The following CDS2 variants were observed in gnomAD, a reference collection of about 807,000 sequenced individuals.
CDS2 encodes CDP-diacylglycerol synthase 2.
CDS2 carries 47 observed loss-of-function variants against 59.0 expected under a neutral mutation model. The observed-to-expected ratio is 0.80, with a 90% confidence interval of 0.63 to 1.02. The LOEUF is 1.02. Ranked by LOEUF, CDS2 falls within the 50% of genes least tolerant of loss-of-function variation. The probability of loss-of-function intolerance (pLI) is 0.00; values close to 1 mark genes in which losing one functional copy is unlikely to be tolerated. For synonymous variants in CDS2, 207 were observed against 206.4 expected, an observed-to-expected ratio of 1.00 and a Z score of -0.02; for missense variants, 356 against 558.9, an observed-to-expected ratio of 0.64 and a Z score of 3.66.
chr20:5,128,499 G>A (rs2090575201), intron 1 of CDS2: 1 of 152,104 alleles, frequency 6.6e-6, no homozygotes, highest in South Asian at 2.1e-4. Flanking sequence ...ATATATTTTG[G>A]CCAGGCACAG....
At chr20:5,137,892 G>A (rs1434125332) in intron 1 of CDS2, among the ~76,000 whole-genome samples, 2 of 151,202 alleles carry the variant, frequency 1.3e-5, no homozygotes, top group South Asian at 2.1e-4. Flanking sequence ...TCCGACTCCC[G>A]GGTTCACGAC....
At chr20:5,136,278 T>C (rs930350362) in intron 1 of CDS2, among the ~76,000 whole-genome samples, 2 of 152,184 alleles carry the variant, frequency 1.3e-5, no homozygotes, top group Non-Finnish European at 1.5e-5. Flanking sequence ...CATTCTACTC[T>C]TACCACCCTC....
intron 1 of CDS2, among the ~76,000 whole-genome samples, chr20:5,149,025 C>T (rs2090767546): frequency 6.6e-6 from 1 of 151,020 alleles, no homozygotes; most frequent in African/African-American, 2.4e-5. Flanking sequence ...CTTTTTTTTC[C>T]TGGAGACAGG....
intron 1 of CDS2, among the ~76,000 whole-genome samples, chr20:5,129,291 T>A (rs1051971801): frequency 6.6e-6 from 1 of 152,292 alleles, no homozygotes; most frequent in African/African-American, 2.4e-5. Context: ...TATTATTATT[T>A]TTTTAGACGG....
intron 1 of CDS2, among the ~76,000 whole-genome samples, chr20:5,163,019 A>C (rs1409509101): frequency 6.6e-6 from 1 of 152,150 alleles, no homozygotes; most frequent in East Asian, 1.9e-4. Context: ...GGCCACATTG[A>C]CTTTTCTTTG....
At chr20:5,145,822 G>GGTTTTT (rs773575866) in intron 1 of CDS2, among the ~76,000 whole-genome samples, 8 of 129,246 alleles carry the variant, frequency 6.2e-5, no homozygotes, top group East Asian at 2.3e-4. Flanking sequence ...TGCTTTTTGT[G>GGTTTTT]TTTTTTTTTT....
At chr20:5,157,963 A>G (rs1051301180) in intron 1 of CDS2, among the ~76,000 whole-genome samples, 1 of 152,158 alleles carries the variant, frequency 6.6e-6, no homozygotes, top group African/African-American at 2.4e-5. Context: ...TAGGTCCTTT[A>G]GTTCAAGCTT....
At chr20:5,171,872 C>T (rs1029632008) in intron 1 of CDS2, among the ~76,000 whole-genome samples, 4 of 152,224 alleles carry the variant, frequency 2.6e-5, no homozygotes, top group South Asian at 4.1e-4. Context: ...AGCTGTGGCT[C>T]TCTCCCTTGG....
intron 1 of CDS2, among the ~76,000 whole-genome samples, chr20:5,140,644 T>C (rs1424699752): frequency 6.6e-6 from 1 of 152,244 alleles, no homozygotes. Flanking sequence ...AGAGCTCAAG[T>C]AGTTGATTAG....
chr20:5,137,364 C>T (rs980416375), intron 1 of CDS2, among the ~76,000 whole-genome samples: 8 of 151,700 alleles, frequency 5.3e-5, no homozygotes, highest in African/African-American at 1.7e-4. Context: ...CTGCCTCAGC[C>T]TCCCTAGTAG....
chr20:5,151,428 C>G (rs1031537430), intron 1 of CDS2, among the ~76,000 whole-genome samples: 1 of 152,110 alleles, frequency 6.6e-6, no homozygotes, highest in Non-Finnish European at 1.5e-5. Flanking sequence ...ACATTTACTT[C>G]ATTTACTACA....
chr20:5,129,328 G>T (rs1218189738), intron 1 of CDS2, among the ~76,000 whole-genome samples: 1 of 152,126 alleles, frequency 6.6e-6, no homozygotes, highest in Non-Finnish European at 1.5e-5. Context: ...CCAGGCTGGA[G>T]TGCAGTGGCA....
intron 1 of CDS2, among the ~76,000 whole-genome samples, chr20:5,136,939 C>A (rs2090654135): frequency 6.6e-6 from 1 of 152,080 alleles, no homozygotes; most frequent in Non-Finnish European, 1.5e-5. Flanking sequence ...CCTCACCAGC[C>A]TCCCACTCTC....
rs1299509355 is a variant in CDS2 at position 5,191,599 on chromosome 20, T to A, written c.*1365T>A. The A allele has an allele frequency of 6.6e-6, 1 of 152,188 alleles. No individual in the cohort carries two copies. Among genetic ancestry groups the A allele is most frequent in the Non-Finnish European group, 1.5e-5 (1 of 68,054 alleles). 9.4% of individuals were successfully genotyped at this position (152,188 alleles called of 1,614,324 possible). A position where few individuals can be genotyped will look rare whatever the true frequency, so the allele number is the denominator to read the frequency against. On this transcript the variant is annotated 3_prime_UTR_variant, in exon 13 of 13. Coordinates refer to ENST00000460006, the MANE Select transcript of CDS2 (RefSeq NM_003818.4). ...GTAATGATTTGCTTCTGCACCTTGG[T>A]CTAGTGCTGGTTTGTGGTGTTTTTG...
intron 1 of CDS2, among the ~76,000 whole-genome samples, chr20:5,156,752 T>A (rs1037470558): frequency 3.9e-5 from 6 of 152,192 alleles, no homozygotes; most frequent in African/African-American, 1.4e-4. Flanking sequence ...TTGGTCTCCC[T>A]CCATCTCTTG....
intron 1 of CDS2, among the ~76,000 whole-genome samples, chr20:5,153,915 A>G (rs1333980307): frequency 6.6e-6 from 1 of 152,042 alleles, no homozygotes; most frequent in African/African-American, 2.4e-5. Context: ...CTTTCATGAT[A>G]TTTGTCTTTG....
chr20:5,150,819 T>G (rs16990681), intron 1 of CDS2, among the ~76,000 whole-genome samples: 7,293 of 152,308 alleles, frequency 0.048, 598 homozygotes, highest in African/African-American at 0.17. Flanking sequence ...GCAGATGGTC[T>G]CTGGAGTCAG....
At chr20:5,169,030 C>T (rs920779483) in intron 1 of CDS2, among the ~76,000 whole-genome samples, 4 of 152,230 alleles carry the variant, frequency 2.6e-5, no homozygotes, top group African/African-American at 9.6e-5. Flanking sequence ...GTGCTTCTGC[C>T]TTTCTCTAGA....
In CDS2 at chr20:5,194,625, G is replaced by C. The variant is rs764668206; in HGVS notation, c.*4391G>C. The C allele has an allele frequency of 1.3e-5, 2 of 152,230 alleles. No homozygotes were observed. The highest frequency in any genetic ancestry group is 6.5e-5 in the Admixed American group (1 of 15,288). 9.4% of individuals were successfully genotyped at this position (152,230 alleles called of 1,614,324 possible). A position where few individuals can be genotyped will look rare whatever the true frequency, so the allele number is the denominator to read the frequency against. ...AGTGCAGTTTAGGAGGTATCCTTTGGATGCTGAAGTGTTGGGATTTTGAGG... is the reference window on the plus strand; with the variant it reads ...AGTGCAGTTTAGGAGGTATCCTTTGCATGCTGAAGTGTTGGGATTTTGAGG... On this transcript the variant is annotated 3_prime_UTR_variant, in exon 13 of 13. Transcript: ENST00000460006.
Sources: gnomAD v4.1 joint callset for allele counts (sites outside exome capture counted in the v4.1 genomes callset) on GRCh38, gnomAD v4.1.1 for gene constraint, MANE v1.5 for transcripts, NCBI Gene and HGNC (gene_info 2026-07-23, HGNC 2026-07-21) for gene names.